RAPGEF1: variants seen among roughly 807,000 people sequenced by gnomAD.
The protein encoded by RAPGEF1 is CRK SH3-binding GNRP.
A neutral mutation model predicts 143.3 loss-of-function variants in RAPGEF1; 33 were observed. The observed-to-expected ratio is 0.23, with a 90% CI of 0.17 to 0.31. The LOEUF (loss-of-function observed/expected upper bound fraction) is 0.31. Ranked by LOEUF, RAPGEF1 falls within the 10% of genes least tolerant of loss-of-function variation. The probability of loss-of-function intolerance (pLI) is 1.00; values close to 1 mark genes in which losing one functional copy is unlikely to be tolerated. For synonymous variants in RAPGEF1, 629 were observed against 676.5 expected, an observed-to-expected ratio of 0.93 and a Z score of 1.09; for missense variants, 1,199 against 1,645.4, an observed-to-expected ratio of 0.73 and a Z score of 4.69.
In RAPGEF1 at chr9:131,579,185, T is replaced by G; in HGVS notation, c.*312A>C. 3.4e-6 allele frequency: 1 copy of G among 295,786 alleles called. No individual in the cohort carries two copies. The highest frequency in any genetic ancestry group is 6.5e-6 in the Non-Finnish European group (1 of 154,426). The allele number at this position is 295,786 out of a possible 1,614,324, so 18.3% of individuals were successfully genotyped here. A position where few individuals can be genotyped will look rare whatever the true frequency, so the allele number is the denominator to read the frequency against. ...TGCTCTCTCCCTGGAGGGGAGTGGG[T>G]GGAAGGTCAAGAGGGGAGAGATGGA... On this transcript the variant is annotated 3_prime_UTR_variant, in exon 27 of 27. Coordinates refer to ENST00000683357, the MANE Select transcript of RAPGEF1 (RefSeq NM_001377935.1).
At chr9:131,661,549 T>C (rs1974109050) in intron 1 of RAPGEF1, among the ~76,000 whole-genome samples, 1 of 152,188 alleles carries the variant, frequency 6.6e-6, no homozygotes, top group Admixed American at 6.5e-5. Context: ...TCCTGCAAGC[T>C]ATCTACATAA....
chr9:131,679,170 G>C (rs1032924217), intron 1 of RAPGEF1, among the ~76,000 whole-genome samples: 2 of 150,372 alleles, frequency 1.3e-5, no homozygotes, highest in African/African-American at 2.4e-5. Context: ...GTGACAAGGG[G>C]GGGGCCACAA....
intron 18 of RAPGEF1, among the ~76,000 whole-genome samples, chr9:131,590,912 C>T (rs75074901): frequency 0.096 from 14,653 of 152,312 alleles, 782 homozygotes; most frequent in Middle Eastern, 0.24. Flanking sequence ...CTCTGGGCCT[C>T]GGTTTCCTCA....
chr9:131,628,968 G>A lies in RAPGEF1; in HGVS notation c.893+134C>T, dbSNP rs3818583. On this transcript the variant is annotated intron_variant, in intron 7 of 26. Coordinates refer to ENST00000683357, the MANE Select transcript of RAPGEF1 (RefSeq NM_001377935.1). The surrounding 1 kb of genome is among the most constrained non-coding windows in gnomAD (Gnocchi z 5.7). ...GTGGCCAGCGAGGGCCGGCGGGGTG[G>A]GGACAGCTCCAGAGTCAGCCTCCCA... The A allele has an allele frequency of 4.1e-4, 511 of 1,239,772 alleles. 4 individuals carry two copies. The East Asian group carries it at 0.013, about 31-fold the overall frequency. 76.8% of individuals were successfully genotyped at this position (1,239,772 alleles called of 1,614,324 possible). A position where few individuals can be genotyped will look rare whatever the true frequency, so the allele number is the denominator to read the frequency against.
At chr9:131,619,029 A>C in intron 12 of RAPGEF1, 22 bp downstream of exon 12, 1 of 1,352,118 alleles carries the variant, frequency 7.4e-7, no homozygotes, top group Non-Finnish European at 9.8e-7. Flanking sequence ...TTCCAAGTAA[A>C]GAACAGCAGG....
intron 1 of RAPGEF1, among the ~76,000 whole-genome samples, chr9:131,726,170 T>C (rs1836655304): frequency 6.6e-6 from 1 of 152,050 alleles, no homozygotes; most frequent in South Asian, 2.1e-4. Context: ...ATTATGTCAA[T>C]GCAATAGAAT....
intron 1 of RAPGEF1, among the ~76,000 whole-genome samples, chr9:131,723,081 C>A (rs143937718): frequency 1.3e-5 from 2 of 152,198 alleles, no homozygotes; most frequent in Non-Finnish European, 1.5e-5. Context: ...GTAGCCCCAG[C>A]TACTCAGGAT....
intron 1 of RAPGEF1, among the ~76,000 whole-genome samples, chr9:131,682,069 C>A (rs537084704): frequency 1.3e-5 from 2 of 152,246 alleles, no homozygotes; most frequent in South Asian, 4.1e-4. Context: ...AGCTACTCTG[C>A]TAGCACAGGC....
intron 1 of RAPGEF1, among the ~76,000 whole-genome samples, chr9:131,712,195 G>T (rs1462499846): frequency 6.6e-6 from 1 of 152,158 alleles, no homozygotes; most frequent in Non-Finnish European, 1.5e-5. Context: ...TTAAACTGCA[G>T]CCACAAACTG....
chr9:131,616,092 C>T (rs1421859677), intron 12 of RAPGEF1, among the ~76,000 whole-genome samples: 2 of 152,080 alleles, frequency 1.3e-5, no homozygotes, highest in Admixed American at 6.6e-5. Context: ...CGTGGTGAAA[C>T]CCCATCTCTA....
intron 1 of RAPGEF1, among the ~76,000 whole-genome samples, chr9:131,705,163 G>A (rs541123213): frequency 1.5e-4 from 23 of 152,124 alleles, no homozygotes; most frequent in South Asian, 4.1e-4. Flanking sequence ...ACTATTTATT[G>A]CACGTCCACT....
Position 131,583,047 on chromosome 9 carries a change from C to G in RAPGEF1, c.3415-345G>C, listed in dbSNP as rs1269731923. Among the ~76,000 whole-genome samples the G allele has an allele frequency of 6.6e-6, 1 of 152,214 alleles. No individual in the cohort carries two copies. Among genetic ancestry groups the G allele is most frequent in the Non-Finnish European group, 1.5e-5 (1 of 68,030 alleles). ...TGCCTGGCCCTGTTCGGCGGTGCAGCCAGAGGAGCTTCCCAGGCACACACT... is the reference window on the plus strand; with the variant it reads ...TGCCTGGCCCTGTTCGGCGGTGCAGGCAGAGGAGCTTCCCAGGCACACACT... On this transcript the variant is annotated intron_variant, in intron 24 of 26. Coordinates refer to ENST00000683357, the MANE Select transcript of RAPGEF1 (RefSeq NM_001377935.1). This position sits in a 1 kb window ranked among gnomAD's most constrained non-coding sequence, Gnocchi z 4.7.
chr9:131,585,401 G>A (rs11243440), intron 22 of RAPGEF1, among the ~76,000 whole-genome samples: 6,809 of 152,074 alleles, frequency 0.045, 212 homozygotes, highest in Non-Finnish European at 0.069. Context: ...GGCTGGTCTC[G>A]AACTCCTGCG....
rs1207266889 is a variant in RAPGEF1 at position 131,655,052 on chromosome 9, C to T, written c.62-4103G>A. 4.6e-5 allele frequency among the ~76,000 whole-genome samples: 7 copies of T among 152,332 alleles called. No individual in the cohort carries two copies. The highest frequency in any genetic ancestry group is 2.1e-4 in the South Asian group (1 of 4,826). On this transcript the variant is annotated intron_variant, in intron 1 of 26. Transcript: ENST00000683357. The surrounding 1 kb of genome is among the most constrained non-coding windows in gnomAD (Gnocchi z 4.1). ...AAAACAACCCTCCAAATAAATAGCA[C>T]GGCACCTTGCACTACATGGCTCTCA...
intron 25 of RAPGEF1, 69 bp from the exon 26 acceptor site, chr9:131,580,460 G>T: frequency 6.5e-7 from 1 of 1,544,948 alleles, no homozygotes; most frequent in Non-Finnish European, 8.8e-7. Context: ...AGAGACATGT[G>T]TCAGGCGCTA....
intron 1 of RAPGEF1, among the ~76,000 whole-genome samples, chr9:131,689,494 A>G (rs1469525009): frequency 6.6e-6 from 1 of 152,208 alleles, no homozygotes; most frequent in Non-Finnish European, 1.5e-5. Flanking sequence ...AAAGGTTTAT[A>G]GACGGATTAA....
chr9:131,674,383 G>A (rs1333894535), intron 1 of RAPGEF1, among the ~76,000 whole-genome samples: 1 of 152,176 alleles, frequency 6.6e-6, no homozygotes. Flanking sequence ...GCAGAGCACG[G>A]TTTTGCTTTA....
intron 1 of RAPGEF1, among the ~76,000 whole-genome samples, chr9:131,703,191 G>T (rs963082640): frequency 2.0e-5 from 3 of 152,006 alleles, no homozygotes; most frequent in African/African-American, 7.2e-5. Context: ...TTGTAGACAG[G>T]GTCTCACTGT....
At chr9:131,707,274 G>A (rs1464052575) in intron 1 of RAPGEF1, among the ~76,000 whole-genome samples, 2 of 151,472 alleles carry the variant, frequency 1.3e-5, no homozygotes, top group Non-Finnish European at 2.9e-5. Flanking sequence ...GTATGACACA[G>A]TCAGAACTGG....
Sources: gnomAD v4.1 joint callset for allele counts (sites outside exome capture counted in the v4.1 genomes callset) on GRCh38, gnomAD v4.1.1 for gene constraint, Gnocchi (gnomAD v3.1) non-coding constraint, MANE v1.5 for transcripts, NCBI Gene and HGNC (gene_info 2026-07-23, HGNC 2026-07-21) for gene names.